MICAL3: variants seen among roughly 807,000 people sequenced by gnomAD.
MICAL3 encodes the protein [F-actin]-monooxygenase MICAL3.
Under a neutral mutation model 207.4 loss-of-function variants are expected in MICAL3, and 62 were observed. The observed-to-expected ratio is 0.30, with a 90% CI of 0.24 to 0.37. The LOEUF (loss-of-function observed/expected upper bound fraction) is 0.37. Among genes scored for constraint, MICAL3 ranks in the 10% least tolerant of loss-of-function variants. The pLI, the probability that MICAL3 is intolerant of heterozygous loss-of-function variation, is 1.00. For synonymous variants in MICAL3, 1,077 were observed against 1,069.3 expected (o/e 1.01, Z -0.14); for missense variants, 2,368 against 2,635.6 (o/e 0.90, Z 2.22).
intron 16 of MICAL3, among the ~76,000 whole-genome samples, chr22:17,874,543 G>C (rs1299123942): frequency 1.3e-5 from 2 of 152,140 alleles, no homozygotes; most frequent in Non-Finnish European, 2.9e-5. Context: ...CCGTGCAAAG[G>C]CATCTGCCAC....
At chr22:17,815,661 A>C (rs1031769798) in intron 27 of MICAL3, 1 of 152,400 alleles carries the variant, frequency 6.6e-6, no homozygotes, top group African/African-American at 2.4e-5. Context: ...AGGGTGGAGC[A>C]GGAGGAGAGG....
intron 21 of MICAL3, among the ~76,000 whole-genome samples, chr22:17,830,048 C>T (rs993695070): frequency 6.6e-6 from 1 of 152,130 alleles, no homozygotes; most frequent in African/African-American, 2.4e-5. Context: ...AGAAGGTGGG[C>T]ACGGGGTAAA....
chr22:17,940,017 A>G (rs1039102322), intron 1 of MICAL3, among the ~76,000 whole-genome samples: 3 of 152,184 alleles, frequency 2.0e-5, no homozygotes, highest in Non-Finnish European at 2.9e-5. Flanking sequence ...GCAGTCCTGT[A>G]CCACTCCTAG....
chr22:17,994,223 G>C (rs1922021415), intron 1 of MICAL3, among the ~76,000 whole-genome samples: 2 of 152,200 alleles, frequency 1.3e-5, no homozygotes, highest in South Asian at 4.1e-4. Flanking sequence ...GAGGAGGGAG[G>C]AATATGGCTA....
chr22:17,907,119 C>G (rs1223158349), intron 1 of MICAL3, among the ~76,000 whole-genome samples: 1 of 152,016 alleles, frequency 6.6e-6, no homozygotes, highest in East Asian at 1.9e-4. Context: ...GACACAGACA[C>G]AGAATGTCTC....
intron 1 of MICAL3, among the ~76,000 whole-genome samples, chr22:17,959,827 A>G (rs183348565): frequency 9.1e-4 from 136 of 148,812 alleles, no homozygotes; most frequent in African/African-American, 3.3e-3. Flanking sequence ...AAAGGGGGGA[A>G]AAACATGGAA....
intron 1 of MICAL3, among the ~76,000 whole-genome samples, chr22:18,008,892 C>T (rs1420172729): frequency 1.3e-5 from 2 of 151,462 alleles, no homozygotes; most frequent in Non-Finnish European, 2.9e-5. Context: ...CCACTACACT[C>T]CAGCCTGGGC....
intron 21 of MICAL3, among the ~76,000 whole-genome samples, chr22:17,831,524 C>CA (rs1390617670): frequency 2.0e-5 from 3 of 152,180 alleles, no homozygotes; most frequent in African/African-American, 7.2e-5. Flanking sequence ...TTAATTTTTT[C>CA]AACTGAAACT....
In MICAL3 at chr22:17,818,908, G is replaced by A. The variant is rs201963261; in HGVS notation, c.3753C>T (p.Ser1251=). The A allele has an allele frequency of 6.4e-7, 1 of 1,565,716 alleles. No homozygotes were observed. Among genetic ancestry groups the A allele is most frequent in the African/African-American group, 1.4e-5 (1 of 73,670 alleles). Residue 1251 remains serine, a synonymous_variant, in exon 26 of 32, where the codon TCC becomes TCT. Coordinates refer to ENST00000441493, the MANE Select transcript of MICAL3 (RefSeq NM_015241.3). ...TGGGGAGTGGGCTGGGTGGGGGCGT[G>A]GAGGCCGCCACGGGTGGCTGGGGCT... is the stretch of plus-strand genomic sequence containing the variant. ...SPQPQPPVAA[S]TPPPSPLPIC...
In MICAL3 at chr22:17,791,045, C is replaced by T. The variant is rs369031735; in HGVS notation, c.5777G>A (p.Arg1926Gln). ...IFARELELEDRQSRLQQELRE... is the reference protein window; with the variant it reads ...IFARELELEDQQSRLQQELRE... ...GAGCTCCTGCTGCAGTCGACTCTGCCGGTCTTCCAGCTCCAGCTCCCGGGC... is the reference window on the plus strand; with the variant it reads ...GAGCTCCTGCTGCAGTCGACTCTGCTGGTCTTCCAGCTCCAGCTCCCGGGC... The change falls in exon 31 of 32, where the codon CGG becomes CAG. Residue 1926 changes from arginine (R) to glutamine (Q), a missense_variant. Transcript: ENST00000441493. 1.3e-5 allele frequency: 21 copies of T among 1,612,020 alleles called. No homozygotes were observed. In the East Asian group the frequency reaches 1.3e-4, roughly 10 times the overall value.
chr22:17,835,527 T>G (rs1355381162), intron 20 of MICAL3, among the ~76,000 whole-genome samples: 1 of 152,204 alleles, frequency 6.6e-6, no homozygotes, highest in East Asian at 1.9e-4. Flanking sequence ...TCCCAGCACC[T>G]GCATCTCTGG....
chr22:17,912,051 T>C (rs1184037163), intron 1 of MICAL3, among the ~76,000 whole-genome samples: 1 of 151,804 alleles, frequency 6.6e-6, no homozygotes, highest in Non-Finnish European at 1.5e-5. Context: ...TGCATGAGGC[T>C]GAAGCAGGAG....
chr22:17,856,689 T>A (rs996290594), intron 19 of MICAL3, among the ~76,000 whole-genome samples: 2 of 139,080 alleles, frequency 1.4e-5, no homozygotes, highest in Non-Finnish European at 3.0e-5. Flanking sequence ...TGGCGCAATC[T>A]CGGCTCACTG....
chr22:17,862,057 C>T (rs1377454929), intron 19 of MICAL3: 3 of 985,354 alleles, frequency 3.0e-6, no homozygotes, highest in Non-Finnish European at 3.6e-6. Flanking sequence ...TCAAACACTG[C>T]CCAGTCATAG....
rs1930831283 is a variant in MICAL3 at position 17,896,370 on chromosome 22, A to G, written c.1207-9T>C. 1.4e-6 allele frequency: 2 copies of G among 1,456,722 alleles called. No individual in the cohort carries two copies. The highest frequency in any genetic ancestry group is 1.4e-5 in the African/African-American group (1 of 71,306). The allele number at this position is 1,456,722 out of a possible 1,614,324, so 90.2% of individuals were successfully genotyped here. Reference sequence around the variant, plus strand: ...CCCATTGGCCAGAAAGGCTGTAGATAAGACATAAAACAAATAATTAAAATA... The same window carrying G: ...CCCATTGGCCAGAAAGGCTGTAGATGAGACATAAAACAAATAATTAAAATA... On this transcript the variant is annotated splice_polypyrimidine_tract_variant and intron_variant, in intron 8 of 31. Coordinates refer to ENST00000441493, the MANE Select transcript of MICAL3 (RefSeq NM_015241.3).
At chr22:17,888,895 T>A in intron 13 of MICAL3, 139 bp downstream of exon 13, 1 of 579,232 alleles carries the variant, frequency 1.7e-6, no homozygotes, top group South Asian at 2.7e-5. Flanking sequence ...TCCAGAGATT[T>A]CCCTGACAGC....
At chr22:17,876,895 AGGTT>A (rs1928547034) in intron 16 of MICAL3, 1 of 133,714 alleles carries the variant, frequency 7.5e-6, no homozygotes, top group Non-Finnish European at 1.6e-5. Context: ...GAGGTTATGG[AGGTT>A]AGGGAGGTTA....
At chr22:17,831,687 G>A (rs1344152169) in intron 21 of MICAL3, among the ~76,000 whole-genome samples, 167 bp downstream of exon 21, 1 of 152,116 alleles carries the variant, frequency 6.6e-6, no homozygotes, top group Non-Finnish European at 1.5e-5. Flanking sequence ...TCAACGCTAC[G>A]GTGTCCTCCC....
At chr22:17,820,886 A>C in intron 25 of MICAL3, among the ~76,000 whole-genome samples, 1 of 138,150 alleles carries the variant, frequency 7.2e-6, no homozygotes, top group Admixed American at 7.2e-5. Flanking sequence ...ATTTATATTT[A>C]TAAACATAAA....
Sources: allele counts gnomAD v4.1 joint callset (sites outside exome capture counted in the v4.1 genomes callset), GRCh38; gene constraint gnomAD v4.1.1; transcripts MANE v1.5; gene names NCBI Gene and HGNC (gene_info 2026-07-23, HGNC 2026-07-21).